ZNF594: variants seen among roughly 807,000 people sequenced by gnomAD.
ZNF594 encodes the protein zinc finger protein 594.
For missense variants in ZNF594, 1,037 were observed against 964.6 expected (o/e 1.08, Z -0.99); for synonymous variants, 336 against 309.4 (o/e 1.09, Z -0.90).
intron 1 of ZNF594, among the ~76,000 whole-genome samples, chr17:5,189,246 A>AT (rs34347321): frequency 0.82 from 120,800 of 147,252 alleles, 50,335 homozygotes; most frequent in Non-Finnish European, 0.92. Flanking sequence ...GTGCCAGGCC[A>AT]TTTTTTTTTC....
intron 1 of ZNF594, among the ~76,000 whole-genome samples, chr17:5,188,103 C>T (rs553944844): frequency 3.6e-4 from 55 of 151,732 alleles, no homozygotes; most frequent in Non-Finnish European, 7.2e-4. Flanking sequence ...ATTATCAAAT[C>T]CCTGACCTTT....
In ZNF594 at chr17:5,181,840, G is replaced by A; in HGVS notation, c.2417C>T (p.Thr806Ile). Residue 806 changes from threonine (T) to isoleucine (I), a missense_variant, in exon 2 of 2, where the codon ACA (threonine) becomes ATA (isoleucine). By Grantham distance (89) the Thr-to-Ile change is moderately conservative (BLOSUM62 -1). Coordinates refer to ENST00000575779, the MANE Select transcript of ZNF594 (RefSeq NM_032530.2). ...KTQSELRPSE[T>I]S ...TTTTCTCCACTGTGAATTCTATGATGTCTCAGAAGGTCTGAGCTCTGATTG... is the reference window on the plus strand; with the variant it reads ...TTTTCTCCACTGTGAATTCTATGATATCTCAGAAGGTCTGAGCTCTGATTG... The A allele has an allele frequency of 6.2e-7, 1 of 1,613,912 alleles. No individual in the cohort carries two copies. The highest frequency in any genetic ancestry group is 8.5e-7 in the Non-Finnish European group (1 of 1,179,968).
In ZNF594 at chr17:5,183,757, CT is replaced by C; in HGVS notation, c.499del (p.Ser167ValfsTer33). The C allele has an allele frequency of 6.2e-7, 1 of 1,613,172 alleles. No individual in the cohort carries two copies. The highest frequency in any genetic ancestry group is 8.5e-7 in the Non-Finnish European group (1 of 1,179,234). The part of the protein sequence containing the change: ...CNECGKDSNQ[S>X]SNLIIHQRIH... ...TCTCTGATGTATAATAAGATTTGAACTTTGATTAGAGTCTTTCCCACATTCA... is the reference window on the plus strand; with the variant it reads ...TCTCTGATGTATAATAAGATTTGAACTTGATTAGAGTCTTTCCCACATTCA... On this transcript the variant is annotated frameshift_variant, in exon 2 of 2. Transcript: ENST00000575779. LOFTEE classifies it low-confidence loss of function (END_TRUNC).
downstream of ZNF594, among the ~76,000 whole-genome samples, chr17:5,175,796 G>A (rs2074303230): frequency 6.6e-6 from 1 of 151,786 alleles, no homozygotes. Context: ...GAGATCCAAG[G>A]AGACATCTGG....
At chr17:5,177,707 G>T (rs184670542), downstream of ZNF594, among the ~76,000 whole-genome samples, 290 of 152,186 alleles carry the variant, frequency 1.9e-3, no homozygotes, top group Non-Finnish European at 1.6e-3. Context: ...GTGGTGGCAC[G>T]CACCTGTAAC....
At position 5,182,326 on chromosome 17, in the gene ZNF594, C is replaced by T. The variant is rs184838268; in HGVS notation, c.1931G>A (p.Arg644His). 343 of 1,613,346 alleles carry T rather than the reference C, an allele frequency of 2.1e-4. 4 individuals carry two copies. The East Asian group carries it at 6.6e-3, about 31-fold the overall frequency. ...ATAGGGTTTCTCTCCAGTATGAATA[C>T]GATGGTGTTTAATAAGATCTGAGCT... ...RGSSDLIKHH[R>H]IHTGEKPYEC... The change falls in exon 2 of 2, where the codon CGT becomes CAT. Residue 644 changes from arginine (R) to histidine (H), a missense_variant. Physicochemically the swap from Arg to His is conservative, Grantham distance 29. Coordinates refer to ENST00000575779, the MANE Select transcript of ZNF594 (RefSeq NM_032530.2).
chr17:5,190,106 C>A (rs1487983497), intron 1 of ZNF594, among the ~76,000 whole-genome samples: 1 of 152,162 alleles, frequency 6.6e-6, no homozygotes, highest in African/African-American at 2.4e-5. Context: ...GTGGCTCACA[C>A]CTGTAATTCC....
At chr17:5,174,342 C>A in the ZNF594 span, 1 of 190,572 alleles carries the variant, frequency 5.2e-6, no homozygotes, top group Non-Finnish European at 1.1e-5. Context: ...TTCTCATTGC[C>A]AGATTCCATT....
At chr17:5,178,687 C>CATA (rs561394425), downstream of ZNF594, among the ~76,000 whole-genome samples, 77 of 152,180 alleles carry the variant, frequency 5.1e-4, 1 homozygote, top group African/African-American at 1.7e-3. Flanking sequence ...ACTACATGTA[C>CATA]ATAAGTACAT....
intron 1 of ZNF594, among the ~76,000 whole-genome samples, chr17:5,187,905 T>TTTA (rs1555610759): frequency 4.7e-5 from 7 of 148,858 alleles, no homozygotes; most frequent in African/African-American, 1.7e-4. Context: ...TTTTTTTTTT[T>TTTA]AGAGATATGG....
rs769624848 is a variant in ZNF594 at position 5,183,713 on chromosome 17, GTT to G, written c.542_543del (p.Lys181ThrfsTer6). The G allele has an allele frequency of 1.2e-6, 2 of 1,613,534 alleles. No homozygotes were observed. The highest frequency in any genetic ancestry group is 1.7e-6 in the Non-Finnish European group (2 of 1,179,836). On this transcript the variant is annotated frameshift_variant, in exon 2 of 2. Coordinates refer to ENST00000575779, the MANE Select transcript of ZNF594 (RefSeq NM_032530.2). LOFTEE classifies it low-confidence loss of function (END_TRUNC). ...IIHQRIHTGK[K>X]PYICHECGKD... ...TTTCCACATTCATGACATATATAAG[GTT>G]TCTTTCCTGTATGAATTCTCTGATG...
chr17:5,182,705 A>C lies in ZNF594; in HGVS notation c.1552T>G (p.Cys518Gly). 1.2e-6 allele frequency: 2 copies of C among 1,613,978 alleles called. No homozygotes were observed. The highest frequency in any genetic ancestry group is 2.2e-5 in the South Asian group (2 of 91,068). ...ATGAAGAGCTTCCCACATTCCTTAC[A>C]TTCATAGGGTTTCTCACCACTATGA... is the stretch of plus-strand genomic sequence containing the variant. The part of the protein sequence containing the change: ...RIHSGEKPYE[C>G]KECGKLFIWR... Residue 518 changes from cysteine (C) to glycine (G), a missense_variant, in exon 2 of 2, where the codon TGT becomes GGT. Transcript: ENST00000575779.
At chr17:5,188,848 C>T (rs1036391414) in intron 1 of ZNF594, among the ~76,000 whole-genome samples, 1 of 150,666 alleles carries the variant, frequency 6.6e-6, no homozygotes, top group Non-Finnish European at 1.5e-5. Context: ...CCCGGGTTCA[C>T]GCCATTCTCC....
chr17:5,181,786 A>AT lies in ZNF594; in HGVS notation c.*46dup. ...ATAAGATCTGAGCTGCTCCTAAAAG[A>AT]TTCCCCACATTTATTGCATACGTAA... On this transcript the variant is annotated 3_prime_UTR_variant, in exon 2 of 2. Coordinates refer to ENST00000575779, the MANE Select transcript of ZNF594 (RefSeq NM_032530.2). The AT allele has an allele frequency of 6.2e-7, 1 of 1,612,436 alleles. No individual in the cohort carries two copies. Among genetic ancestry groups the AT allele is most frequent in the Non-Finnish European group, 8.5e-7 (1 of 1,178,672 alleles).
In ZNF594 at chr17:5,183,303, A is replaced by C. The variant is rs190250258; in HGVS notation, c.954T>G (p.Ser318Arg). The C allele has an allele frequency of 6.2e-7, 1 of 1,613,928 alleles. No individual in the cohort carries two copies. The highest frequency in any genetic ancestry group is 8.5e-7 in the Non-Finnish European group (1 of 1,180,050). Residue 318 changes from serine to arginine, a missense_variant, in exon 2 of 2, where the codon AGT becomes AGG. By Grantham distance (110) the Ser-to-Arg change is moderately radical. Coordinates refer to ENST00000575779, the MANE Select transcript of ZNF594 (RefSeq NM_032530.2). ...SHLTEHQRLH[S>R]GEKPYECHRC... ...TGTGACATTCATAGGGTTTCTCTCC[A>C]CTGTGGAGTCTCTGGTGTTCAGTAA...
downstream of ZNF594, among the ~76,000 whole-genome samples, chr17:5,175,700 GCTT>G (rs199566071): frequency 6.6e-6 from 1 of 152,078 alleles, no homozygotes; most frequent in Non-Finnish European, 1.5e-5. Context: ...GAGAAGGAAA[GCTT>G]CTCATTTGCA....
At position 5,181,899 on chromosome 17, in the gene ZNF594, C is replaced by T. The variant is rs143367062; in HGVS notation, c.2358G>A (p.Glu786=). ...LIRHQVTHTR[E]KPYECKECGK... is the part of the protein sequence containing the mutation. ...CACATTCTTTACATTCATATGGTTT[C>T]TCTCTTGTATGAGTTACCTGATGTC... Residue 786 remains glutamate (E), a synonymous_variant, in exon 2 of 2, where the codon GAG becomes GAA. Transcript: ENST00000575779. The T allele has an allele frequency of 2.5e-6, 4 of 1,614,000 alleles. No homozygotes were observed. Among genetic ancestry groups the T allele is most frequent in the Non-Finnish European group, 1.7e-6 (2 of 1,180,002 alleles).
At chr17:5,184,309 TA>T in intron 1 of ZNF594, 33 bp from the exon 2 acceptor site, 2 of 1,544,588 alleles carry the variant, frequency 1.3e-6, no homozygotes. Context: ...CTATAATTCC[TA>T]AAATACAAAT....
chr17:5,183,627 G>A lies in ZNF594; in HGVS notation c.630C>T (p.Pro210=). 1 of 1,614,180 alleles carries A rather than the reference G, an allele frequency of 6.2e-7. No homozygotes were observed. Among genetic ancestry groups the A allele is most frequent in the Non-Finnish European group, 8.5e-7 (1 of 1,180,030 alleles). Residue 210 remains proline, a synonymous_variant, in exon 2 of 2, where the codon CCC becomes CCT. Coordinates refer to ENST00000575779, the MANE Select transcript of ZNF594 (RefSeq NM_032530.2). ...CCTTCCCACACTCTTTGCACTCATA[G>A]GGATTCCCACCACTGTGAATTTGCT... ...RHKQIHSGGN[P]YECKECGKAF...
Sources: allele counts gnomAD v4.1 joint callset (sites outside exome capture counted in the v4.1 genomes callset), GRCh38; gene constraint gnomAD v4.1.1; transcripts MANE v1.5; gene names NCBI Gene and HGNC (gene_info 2026-07-23, HGNC 2026-07-21).